CPQ: variants seen among roughly 807,000 people sequenced by gnomAD.
CPQ encodes Ser-Met dipeptidase.
Under a neutral mutation model 45.7 loss-of-function variants are expected in CPQ, and 37 were observed. The observed-to-expected ratio is 0.81, with a 90% confidence interval of 0.62 to 1.07. CPQ has a LOEUF of 1.07. CPQ is among the 50% of genes least tolerant of loss of function. The pLI, the probability that CPQ is intolerant of heterozygous loss-of-function variation, is 0.00. For missense variants in CPQ, 537 were observed against 572.9 expected, an observed-to-expected ratio of 0.94 and a Z score of 0.64; for synonymous variants, 186 against 205.8, an observed-to-expected ratio of 0.90 and a Z score of 0.82.
At chr8:96,868,335 G>A (rs528203925) in intron 3 of CPQ, among the ~76,000 whole-genome samples, 4 of 152,156 alleles carry the variant, frequency 2.6e-5, no homozygotes, top group Non-Finnish European at 5.9e-5. Context: ...TTTAGACCTT[G>A]TGGTCATCTT....
At chr8:96,815,512 A>G (rs570981048) in intron 2 of CPQ, among the ~76,000 whole-genome samples, 1 of 152,186 alleles carries the variant, frequency 6.6e-6, no homozygotes, top group Admixed American at 6.6e-5. Flanking sequence ...GGTTGGAGGA[A>G]AAAAAGAAAG....
At chr8:96,944,195 T>C (rs1346627656) in intron 4 of CPQ, among the ~76,000 whole-genome samples, 1 of 152,150 alleles carries the variant, frequency 6.6e-6, no homozygotes, top group Non-Finnish European at 1.5e-5. Context: ...CCCGGAGTTC[T>C]GTCTATGATC....
intron 7 of CPQ, among the ~76,000 whole-genome samples, chr8:97,079,186 G>T (rs757560081): frequency 2.0e-4 from 30 of 152,070 alleles, no homozygotes; most frequent in Non-Finnish European, 3.7e-4. Flanking sequence ...TCTTTATAAT[G>T]TGGGGAAGAG....
intron 1 of CPQ, among the ~76,000 whole-genome samples, chr8:96,768,162 C>T (rs939498364): frequency 2.0e-5 from 3 of 152,120 alleles, no homozygotes; most frequent in African/African-American, 7.2e-5. Flanking sequence ...AATGTTCTTT[C>T]TCCTCAGTAT....
chr8:96,722,764 G>A (rs55738970), intron 1 of CPQ, among the ~76,000 whole-genome samples: 74 of 152,138 alleles, frequency 4.9e-4, no homozygotes, highest in Admixed American at 1.3e-3. Context: ...ACTCCTCTCC[G>A]TATAGTGACT....
chr8:96,990,179 G>T lies in CPQ; in HGVS notation c.961+24133G>T, dbSNP rs528422120. Among the ~76,000 whole-genome samples, 10 of 152,202 alleles carry T rather than the reference G, an allele frequency of 6.6e-5. No individual in the cohort carries two copies. The South Asian group carries it at 1.4e-3, about 22-fold the overall frequency. On this transcript the variant is annotated intron_variant, in intron 5 of 7. Coordinates refer to ENST00000220763, the MANE Select transcript of CPQ (RefSeq NM_016134.4). ...TGCTCAGCCCGATCTCATTTCCAAA[G>T]TTAAGGCTCTGCTACTCTTCCAGCC...
intron 1 of CPQ, among the ~76,000 whole-genome samples, chr8:96,655,794 T>C (rs757054454): frequency 1.3e-5 from 2 of 152,188 alleles, no homozygotes; most frequent in African/African-American, 2.4e-5. Flanking sequence ...AAGTCCGTTG[T>C]AAAGTTGTAT....
intron 5 of CPQ, among the ~76,000 whole-genome samples, chr8:97,001,043 T>C (rs185717356): frequency 2.2e-4 from 33 of 152,072 alleles, no homozygotes; most frequent in African/African-American, 7.7e-4. Context: ...CTCTGCTTGC[T>C]TATTGGTGGT....
chr8:96,981,236 C>G (rs1219006785), intron 5 of CPQ, among the ~76,000 whole-genome samples: 2 of 152,050 alleles, frequency 1.3e-5, no homozygotes, highest in African/African-American at 4.8e-5. Flanking sequence ...CATAAAAAAC[C>G]AAGGATGGTG....
At chr8:96,890,136 C>G (rs576556828) in intron 4 of CPQ, among the ~76,000 whole-genome samples, 1 of 152,250 alleles carries the variant, frequency 6.6e-6, no homozygotes, top group Admixed American at 6.5e-5. Flanking sequence ...AATTGTTAAC[C>G]TAAATGCTAT....
At chr8:96,702,406 AAG>A (rs745960521) in intron 1 of CPQ, among the ~76,000 whole-genome samples, 6 of 152,204 alleles carry the variant, frequency 3.9e-5, no homozygotes, top group Non-Finnish European at 7.4e-5. Flanking sequence ...AAGGGAGAAT[AAG>A]AGAGAGAAAG....
intron 3 of CPQ, among the ~76,000 whole-genome samples, chr8:96,856,710 T>C (rs898743403): frequency 1.3e-5 from 2 of 152,212 alleles, no homozygotes; most frequent in African/African-American, 4.8e-5. Flanking sequence ...GGCTGCATTC[T>C]GGCAGAGGAG....
At chr8:96,682,324 T>G (rs868081723) in intron 1 of CPQ, among the ~76,000 whole-genome samples, 2 of 152,316 alleles carry the variant, frequency 1.3e-5, no homozygotes, top group Middle Eastern at 3.4e-3. Context: ...TCACTCGTGA[T>G]AGTGAGTAAG....
At chr8:96,845,554 G>T (rs1043419682) in intron 3 of CPQ, among the ~76,000 whole-genome samples, 1 of 151,982 alleles carries the variant, frequency 6.6e-6, no homozygotes, top group South Asian at 2.1e-4. Flanking sequence ...ACAGGGTCTT[G>T]CTCTGTTGCC....
rs141521607 is a variant in CPQ, at chr8:96,810,510, A to G, written c.434-24463A>G. ...AGAAGATGGAGATCTAGACCCATCT[A>G]CTGGATAGGATTACCATAAGATCTA... is the stretch of plus-strand genomic sequence containing the variant. On this transcript the variant is annotated intron_variant, in intron 2 of 7. Transcript: ENST00000220763. Among the ~76,000 whole-genome samples, 57 of 152,330 alleles carry G rather than the reference A, an allele frequency of 3.7e-4. No individual in the cohort carries two copies. In the East Asian group the frequency reaches 0.01, roughly 28 times the overall value.
At chr8:96,902,590 A>G (rs1251777829) in intron 4 of CPQ, among the ~76,000 whole-genome samples, 1 of 152,126 alleles carries the variant, frequency 6.6e-6, no homozygotes, top group African/African-American at 2.4e-5. Flanking sequence ...CATCCCATCC[A>G]TCTGGGCCCA....
intron 2 of CPQ, 55 bp downstream of exon 2, chr8:96,785,385 T>G: frequency 1.5e-6 from 2 of 1,357,728 alleles, no homozygotes; most frequent in Admixed American, 2.2e-5. Flanking sequence ...TGTCCCTTGG[T>G]GTAATTGAGT....
chr8:96,897,289 G>T (rs537175075), intron 4 of CPQ, among the ~76,000 whole-genome samples: 34 of 152,266 alleles, frequency 2.2e-4, no homozygotes, highest in African/African-American at 7.7e-4. Flanking sequence ...TAGTTCCTAA[G>T]AAAAGTAGAC....
At chr8:96,829,150 A>G (rs1811413912) in intron 2 of CPQ, among the ~76,000 whole-genome samples, 1 of 152,142 alleles carries the variant, frequency 6.6e-6, no homozygotes, top group Non-Finnish European at 1.5e-5. Flanking sequence ...CTCAGGTATC[A>G]GTACAGCAAG....
Sources: allele counts gnomAD v4.1 joint callset (sites outside exome capture counted in the v4.1 genomes callset), GRCh38; gene constraint gnomAD v4.1.1; transcripts MANE v1.5; gene names NCBI Gene and HGNC (gene_info 2026-07-23, HGNC 2026-07-21).